PCDHAC1: variants seen among roughly 807,000 people sequenced by gnomAD.
PCDHAC1 encodes the protein protocadherin alpha subfamily C, 1.
A neutral mutation model predicts 60.0 loss-of-function variants in PCDHAC1; 42 were observed. That is an observed-to-expected ratio of 0.70 (90% CI 0.55 to 0.90). The LOEUF (loss-of-function observed/expected upper bound fraction) is 0.90, where lower values mean the gene tolerates loss of function less well. Ranked by LOEUF, PCDHAC1 falls within the 40% of genes least tolerant of loss-of-function variation. The pLI is 0.00. For synonymous variants in PCDHAC1, 468 were observed against 499.3 expected (o/e 0.94, Z 0.84); for missense variants, 1,160 against 1,222.3 (o/e 0.95, Z 0.76).
chr5:140,967,385 C>G (rs2096135382), intron 1 of PCDHAC1: 1 of 1,608,920 alleles, frequency 6.2e-7, no homozygotes, highest in African/African-American at 1.3e-5. Flanking sequence ...CAGTAAAGTG[C>G]TTGAGCTGGT....
chr5:140,966,603 G>T, intron 1 of PCDHAC1: 1 of 656,454 alleles, frequency 1.5e-6, no homozygotes, highest in East Asian at 3.4e-5. Context: ...AGGAGCCCTT[G>T]GGAGGGCCTA....
intron 1 of PCDHAC1, among the ~76,000 whole-genome samples, chr5:140,951,337 G>C (rs1346350844): frequency 6.6e-6 from 1 of 151,970 alleles, no homozygotes; most frequent in Non-Finnish European, 1.5e-5. Context: ...CATTCTGTTT[G>C]TGTTAGTCCA....
chr5:140,978,653 G>A (rs527551897), intron 1 of PCDHAC1, among the ~76,000 whole-genome samples: 25 of 152,314 alleles, frequency 1.6e-4, no homozygotes, highest in African/African-American at 5.5e-4. Flanking sequence ...TGTTCTTCCC[G>A]TAGTGTTTTA....
chr5:141,008,323 A>C lies in PCDHAC1; in HGVS notation c.2582-1304A>C, dbSNP rs2098370005. ...CCCTAAACTGTAATTGAACATAAACAGTTTATTTGATGGAGCTTTTCACGT... is the reference window on the plus strand; with the variant it reads ...CCCTAAACTGTAATTGAACATAAACCGTTTATTTGATGGAGCTTTTCACGT... On this transcript the variant is annotated intron_variant, in intron 3 of 3. Transcript: ENST00000253807. 2.0e-5 allele frequency among the ~76,000 whole-genome samples: 3 copies of C among 152,242 alleles called. No individual in the cohort carries two copies. The South Asian group carries it at 6.2e-4, about 32-fold the overall frequency.
rs2098420299 is a variant in PCDHAC1 at position 141,011,351 on chromosome 5, A to G, written c.*1414A>G. The G allele has an allele frequency of 1.3e-5, 2 of 153,694 alleles. No homozygotes were observed. Among genetic ancestry groups the G allele is most frequent in the African/African-American group, 2.4e-5 (1 of 41,410 alleles). 9.5% of individuals were successfully genotyped at this position (153,694 alleles called of 1,614,324 possible). A position where few individuals can be genotyped will look rare whatever the true frequency, so the allele number is the denominator to read the frequency against. On this transcript the variant is annotated 3_prime_UTR_variant, in exon 4 of 4. Transcript: ENST00000253807. ...TGATGTTACCTGAAATCAATCTCCC[A>G]TATGTATGCTGTATGCTATGCTAAG...
chr5:140,934,912 T>C (rs534779508), intron 1 of PCDHAC1, among the ~76,000 whole-genome samples: 1 of 152,318 alleles, frequency 6.6e-6, no homozygotes, highest in Admixed American at 6.5e-5. Context: ...GGAATAATTA[T>C]GGATTCACAT....
At position 140,928,334 on chromosome 5, in the gene PCDHAC1, C is replaced by CT; in HGVS notation, c.1444dup (p.Tyr482LeufsTer2). The CT allele has an allele frequency of 6.2e-7, 1 of 1,614,158 alleles. No homozygotes were observed. The highest frequency in any genetic ancestry group is 8.5e-7 in the Non-Finnish European group (1 of 1,180,036). ...GACCTGGGGAAGAATGGCCTTGTCT[C>CT]TTATGAGCTGTTGGATGTTATCTCT... On this transcript the variant is annotated frameshift_variant, in exon 1 of 4. Coordinates refer to ENST00000253807, the MANE Select transcript of PCDHAC1 (RefSeq NM_018898.5). LOFTEE classifies it high-confidence loss of function.
chr5:141,009,174 G>A (rs1281128951), intron 3 of PCDHAC1, among the ~76,000 whole-genome samples: 1 of 152,228 alleles, frequency 6.6e-6, no homozygotes, highest in African/African-American at 2.4e-5. Flanking sequence ...ACTGGCCTTG[G>A]CTGGGTGTGG....
intron 1 of PCDHAC1, among the ~76,000 whole-genome samples, chr5:140,955,267 T>C (rs1189039296): frequency 6.6e-6 from 1 of 152,140 alleles, no homozygotes; most frequent in Non-Finnish European, 1.5e-5. Context: ...AGGCTCTTTT[T>C]TGGTTCCATA....
intron 1 of PCDHAC1, among the ~76,000 whole-genome samples, chr5:140,953,228 G>A (rs2094861370): frequency 6.6e-6 from 1 of 152,124 alleles, no homozygotes; most frequent in South Asian, 2.1e-4. Flanking sequence ...CTTCTGCTTG[G>A]TAGCAGTTCA....
rs373922357 is a variant in PCDHAC1, at chr5:140,927,079, G to A, written c.187G>A (p.Glu63Lys). ...CTTTCGCTTCCTTTCCAGCCACCGC[G>A]AGCTCTACTTCGGGGTGGATCTACC... ...RNFRFLSSHR[E>K]LYFGVDLPSG... is the part of the protein sequence containing the mutation. The change falls in exon 1 of 4, where the codon GAG becomes AAG. Residue 63 changes from glutamate to lysine, a missense_variant. Physicochemically the swap from Glu to Lys is moderately conservative, Grantham distance 56. Transcript: ENST00000253807. 2.5e-6 allele frequency: 4 copies of A among 1,610,988 alleles called. No homozygotes were observed. The highest frequency in any genetic ancestry group is 2.5e-6 in the Non-Finnish European group (3 of 1,177,702).
intron 2 of PCDHAC1, among the ~76,000 whole-genome samples, chr5:140,980,255 C>T (rs782489996): frequency 2.0e-4 from 31 of 152,210 alleles, no homozygotes; most frequent in Middle Eastern, 3.2e-3. Flanking sequence ...TGGGTAAAAG[C>T]ATGGTTTACA....
At chr5:140,988,467 A>T (rs1245281936) in intron 3 of PCDHAC1, among the ~76,000 whole-genome samples, 12 of 152,242 alleles carry the variant, frequency 7.9e-5, no homozygotes, top group African/African-American at 2.4e-4. Flanking sequence ...AGGGTGTGGG[A>T]AGGGGAATTA....
chr5:140,967,810 C>T, intron 1 of PCDHAC1: 1 of 1,614,176 alleles, frequency 6.2e-7, no homozygotes, highest in Non-Finnish European at 8.5e-7. Context: ...TGGCAGGTCA[C>T]TGCAAGGTGC....
chr5:140,999,409 T>C (rs1554256782), intron 3 of PCDHAC1, among the ~76,000 whole-genome samples: 1 of 152,186 alleles, frequency 6.6e-6, no homozygotes, highest in African/African-American at 2.4e-5. Flanking sequence ...TATGAAAGAA[T>C]GGGAGCTAAG....
At chr5:141,007,507 G>A (rs2098333216) in intron 3 of PCDHAC1, among the ~76,000 whole-genome samples, 1 of 151,980 alleles carries the variant, frequency 6.6e-6, no homozygotes, top group Admixed American at 6.6e-5. Flanking sequence ...GGCAGAGACT[G>A]CAGTGAGCTG....
At position 141,010,354 on chromosome 5, in the gene PCDHAC1, C is replaced by A. The variant is rs1359778786; in HGVS notation, c.*417C>A. On this transcript the variant is annotated 3_prime_UTR_variant, in exon 4 of 4. Coordinates refer to ENST00000253807, the MANE Select transcript of PCDHAC1 (RefSeq NM_018898.5). ...GTTTGTGGCCACTGGGTATGTGTGG[C>A]TACCGCGGGTATGCGAGTGCCAGAT... The A allele has an allele frequency of 2.0e-6, 3 of 1,506,078 alleles. No homozygotes were observed. The highest frequency in any genetic ancestry group is 4.4e-5 in the Admixed American group (2 of 45,166). 93.3% of individuals were successfully genotyped at this position (1,506,078 alleles called of 1,614,324 possible).
chr5:141,005,626 C>T (rs554956978), intron 3 of PCDHAC1, among the ~76,000 whole-genome samples: 5 of 136,646 alleles, frequency 3.7e-5, no homozygotes, highest in South Asian at 4.9e-4. Context: ...GGCGTGAACC[C>T]GGGAGGCGGA....
At chr5:140,988,253 C>A (rs982953260) in intron 3 of PCDHAC1, among the ~76,000 whole-genome samples, 1 of 152,188 alleles carries the variant, frequency 6.6e-6, no homozygotes, top group Non-Finnish European at 1.5e-5. Context: ...CAGCTCCCGC[C>A]TGTGAGTATC....
Sources: allele counts gnomAD v4.1 joint callset (sites outside exome capture counted in the v4.1 genomes callset), GRCh38; gene constraint gnomAD v4.1.1; transcripts MANE v1.5; gene names NCBI Gene and HGNC (gene_info 2026-07-23, HGNC 2026-07-21).